Variants in CADPS2 observed in about 807,000 individuals in gnomAD.
CADPS2 encodes the protein calcium dependent secretion activator 2.
Under a neutral mutation model 172.5 loss-of-function variants are expected in CADPS2, and 93 were observed. The ratio of observed to expected loss-of-function variants is 0.54; its 90% CI spans 0.46 to 0.64. The LOEUF (loss-of-function observed/expected upper bound fraction) is 0.64. Ranked by LOEUF, CADPS2 falls within the 30% of genes least tolerant of loss-of-function variation. CADPS2 has a pLI of 0.00. For missense variants in CADPS2, 1,420 were observed against 1,565.9 expected (o/e 0.91, Z 1.57); for synonymous variants, 546 against 555.2 (o/e 0.98, Z 0.23).
chr7:122,743,937 G>A (rs577308344), intron 1 of CADPS2, among the ~76,000 whole-genome samples: 1 of 152,238 alleles, frequency 6.6e-6, no homozygotes, highest in African/African-American at 2.4e-5. Context: ...TGTGGGATGT[G>A]CTGATATTAT....
intron 1 of CADPS2, among the ~76,000 whole-genome samples, chr7:122,755,142 C>T (rs2093106197): frequency 1.3e-5 from 2 of 152,026 alleles, no homozygotes; most frequent in Non-Finnish European, 1.5e-5. Context: ...ACAATTACAC[C>T]AAATCTAGAT....
At chr7:122,531,617 G>A (rs1276689828) in intron 8 of CADPS2, among the ~76,000 whole-genome samples, 3 of 152,120 alleles carry the variant, frequency 2.0e-5, no homozygotes, top group Admixed American at 2.0e-4. Context: ...TTTTCTAATT[G>A]TAAATGGAGA....
chr7:122,629,193 A>G (rs1268573778), intron 4 of CADPS2, 55 bp downstream of exon 4: 30 of 1,394,238 alleles, frequency 2.2e-5, no homozygotes, highest in Non-Finnish European at 2.9e-5. Flanking sequence ...TTCAGCTCAC[A>G]GAAATCTAGG....
chr7:122,633,678 C>G (rs1020847902), intron 3 of CADPS2, among the ~76,000 whole-genome samples: 3 of 152,082 alleles, frequency 2.0e-5, no homozygotes, highest in Non-Finnish European at 4.4e-5. Context: ...TACATGGATG[C>G]ATTTTATTTA....
rs1417311094 is a variant in CADPS2, at chr7:122,793,991, G to A, written c.340-56923C>T. Reference sequence around the variant, plus strand: ...CTGGTTTGTAGGGTTTCTGCTGAGAGGTCTGCTGTTAGTCTGACGGGCTTC... The same window carrying A: ...CTGGTTTGTAGGGTTTCTGCTGAGAAGTCTGCTGTTAGTCTGACGGGCTTC... On this transcript the variant is annotated intron_variant, in intron 1 of 29. Transcript: ENST00000449022. 2.6e-5 allele frequency among the ~76,000 whole-genome samples: 4 copies of A among 152,118 alleles called. No individual in the cohort carries two copies. In the East Asian group the frequency reaches 7.7e-4, roughly 29 times the overall value.
chr7:122,530,255 A>G (rs1257432027), intron 8 of CADPS2, among the ~76,000 whole-genome samples: 3 of 152,100 alleles, frequency 2.0e-5, no homozygotes, highest in East Asian at 1.9e-4. Flanking sequence ...ACAAATTTCA[A>G]TATAGTTTTC....
intron 1 of CADPS2, among the ~76,000 whole-genome samples, chr7:122,742,974 G>A (rs1008055874): frequency 6.6e-6 from 1 of 151,768 alleles, no homozygotes; most frequent in East Asian, 1.9e-4. Flanking sequence ...ATATTATTTG[G>A]GGCAGTTGAT....
At chr7:122,568,731 C>T (rs2066796708) in intron 7 of CADPS2, among the ~76,000 whole-genome samples, 2 of 152,006 alleles carry the variant, frequency 1.3e-5, no homozygotes, top group African/African-American at 4.8e-5. Context: ...TAAAACTATA[C>T]AGCTTCTAGA....
intron 1 of CADPS2, among the ~76,000 whole-genome samples, chr7:122,785,539 T>C (rs1181776958): frequency 1.3e-5 from 2 of 152,148 alleles, no homozygotes; most frequent in African/African-American, 4.8e-5. Context: ...TGAATCTTAC[T>C]TGTGTGAGAT....
intron 6 of CADPS2, among the ~76,000 whole-genome samples, chr7:122,600,416 G>T (rs889037092): frequency 1.3e-5 from 2 of 152,044 alleles, no homozygotes; most frequent in Non-Finnish European, 2.9e-5. Context: ...TGTTAATGAT[G>T]AAATTTTAAT....
chr7:122,633,934 C>T (rs1218873529), intron 3 of CADPS2, among the ~76,000 whole-genome samples: 2 of 152,108 alleles, frequency 1.3e-5, no homozygotes, highest in Admixed American at 6.6e-5. Flanking sequence ...TTTTCTGCAT[C>T]TATTGAGATT....
chr7:122,650,686 A>G (rs1220269053), intron 3 of CADPS2, among the ~76,000 whole-genome samples: 1 of 152,192 alleles, frequency 6.6e-6, no homozygotes, highest in Non-Finnish European at 1.5e-5. Context: ...AGCCAAAGGT[A>G]AGAAACAAAA....
intron 1 of CADPS2, among the ~76,000 whole-genome samples, chr7:122,779,917 A>G (rs1792237610): frequency 6.6e-6 from 1 of 152,160 alleles, no homozygotes; most frequent in African/African-American, 2.4e-5. Context: ...GTGTTGAATC[A>G]AAGACCAGTC....
chr7:122,704,915 T>G (rs774624202), intron 2 of CADPS2, among the ~76,000 whole-genome samples: 3 of 151,948 alleles, frequency 2.0e-5, no homozygotes, highest in Admixed American at 1.3e-4. Context: ...AAAATGCACA[T>G]AGTAGCTCCA....
At chr7:122,446,291 A>G (rs577794168) in intron 15 of CADPS2, among the ~76,000 whole-genome samples, 1 of 152,180 alleles carries the variant, frequency 6.6e-6, no homozygotes, top group Non-Finnish European at 1.5e-5. Flanking sequence ...GATGCTGGAG[A>G]TAGTTTTGTC....
chr7:122,695,525 G>A (rs2084959416), intron 2 of CADPS2, among the ~76,000 whole-genome samples: 1 of 152,128 alleles, frequency 6.6e-6, no homozygotes, highest in Admixed American at 6.6e-5. Context: ...TAAACACTAA[G>A]ATTAAAACTG....
chr7:122,634,424 A>T (rs2076862476), intron 3 of CADPS2, among the ~76,000 whole-genome samples: 2 of 152,116 alleles, frequency 1.3e-5, no homozygotes, highest in Admixed American at 1.3e-4. Flanking sequence ...CCAGTAATTT[A>T]TCCATTTCCT....
intron 14 of CADPS2, among the ~76,000 whole-genome samples, chr7:122,465,674 T>A (rs10231284): frequency 0.061 from 9,235 of 152,012 alleles, 685 homozygotes; most frequent in African/African-American, 0.18. Context: ...CCATGAAAAA[T>A]TTACCTTCTA....
chr7:122,581,080 A>G (rs1421419819), intron 7 of CADPS2, 99 bp downstream of exon 7: 3 of 778,298 alleles, frequency 3.9e-6, no homozygotes, highest in South Asian at 1.7e-5. Context: ...GTAATTTATG[A>G]ACATAAAGTT....
Sources: gnomAD v4.1 joint callset for allele counts (sites outside exome capture counted in the v4.1 genomes callset) on GRCh38, gnomAD v4.1.1 for gene constraint, MANE v1.5 for transcripts, NCBI Gene and HGNC (gene_info 2026-07-23, HGNC 2026-07-21) for gene names.